MAGI2: variants seen among roughly 807,000 people sequenced by gnomAD.
MAGI2 encodes the protein membrane-associated guanylate kinase, WW and PDZ domain-containing protein 2.
Under a neutral mutation model 133.3 loss-of-function variants are expected in MAGI2, and 35 were observed. That is an observed-to-expected ratio of 0.26 (90% CI 0.20 to 0.35). The LOEUF is 0.35. Among genes scored for constraint, MAGI2 ranks in the 10% least tolerant of loss-of-function variants. The pLI is 1.00. For missense variants in MAGI2, 1,636 were observed against 1,863.4 expected (o/e 0.88, Z 2.25); for synonymous variants, 729 against 710.6 (o/e 1.03, Z -0.41).
chr7:78,064,757 T>C (rs1431722900), intron 21 of MAGI2, among the ~76,000 whole-genome samples: 3 of 152,182 alleles, frequency 2.0e-5, no homozygotes, highest in Non-Finnish European at 4.4e-5. Flanking sequence ...CACTGCAGAA[T>C]GTGACAGTGA....
intron 1 of MAGI2, among the ~76,000 whole-genome samples, chr7:79,127,312 C>G (rs1242359736): frequency 6.6e-6 from 1 of 152,082 alleles, no homozygotes; most frequent in Non-Finnish European, 1.5e-5. Context: ...TGGATATATA[C>G]CCAGTAATGG....
At chr7:78,686,926 C>T (rs1410792859) in intron 2 of MAGI2, among the ~76,000 whole-genome samples, 4 of 152,160 alleles carry the variant, frequency 2.6e-5, no homozygotes, top group Non-Finnish European at 4.4e-5. Flanking sequence ...AGCATTCAAG[C>T]AGGGGTGAAT....
intron 4 of MAGI2, among the ~76,000 whole-genome samples, chr7:78,510,664 A>T (rs1036645802): frequency 2.0e-5 from 3 of 152,162 alleles, no homozygotes; most frequent in African/African-American, 7.2e-5. Flanking sequence ...GAGACATGTA[A>T]TGGGGTTAAG....
At chr7:78,860,985 A>G (rs1794110746) in intron 2 of MAGI2, among the ~76,000 whole-genome samples, 1 of 152,132 alleles carries the variant, frequency 6.6e-6, no homozygotes. Context: ...TTGCAGTTCG[A>G]TCTCAGACTG....
intron 1 of MAGI2, among the ~76,000 whole-genome samples, chr7:79,402,132 T>C (rs908666008): frequency 5.9e-5 from 9 of 152,172 alleles, no homozygotes; most frequent in African/African-American, 2.2e-4. Context: ...ATATCCTTTT[T>C]AGTTCTTTTT....
chr7:79,184,473 A>G (rs1243893426), intron 1 of MAGI2, among the ~76,000 whole-genome samples: 1 of 151,576 alleles, frequency 6.6e-6, no homozygotes, highest in African/African-American at 2.4e-5. Context: ...AAATATTAAA[A>G]TATTAAAGTT....
chr7:78,874,694 G>A (rs992554073), intron 2 of MAGI2, among the ~76,000 whole-genome samples: 4 of 152,136 alleles, frequency 2.6e-5, no homozygotes, highest in Non-Finnish European at 5.9e-5. Context: ...AGTTAGATAA[G>A]AGGAATAAGT....
At chr7:78,231,540 A>G (rs1361770784) in intron 10 of MAGI2, among the ~76,000 whole-genome samples, 1 of 152,258 alleles carries the variant, frequency 6.6e-6, no homozygotes, top group East Asian at 1.9e-4. Context: ...TTATTTCACC[A>G]TACAAGCACT....
At chr7:78,249,105 T>C (rs1792107572) in intron 10 of MAGI2, among the ~76,000 whole-genome samples, 1 of 152,032 alleles carries the variant, frequency 6.6e-6, no homozygotes, top group Non-Finnish European at 1.5e-5. Context: ...AACAGTTATA[T>C]GAAAAATTGC....
intron 11 of MAGI2, among the ~76,000 whole-genome samples, chr7:78,195,382 G>A (rs972222483): frequency 3.3e-5 from 5 of 152,128 alleles, no homozygotes; most frequent in Non-Finnish European, 7.4e-5. Flanking sequence ...AAGATAATGT[G>A]TCTCAAGACG....
At position 78,019,417 on chromosome 7, in the gene MAGI2, G is replaced by C; in HGVS notation, c.4266C>G (p.Ala1422=). The C allele has an allele frequency of 2.7e-6, 3 of 1,106,140 alleles. No homozygotes were observed. The highest frequency in any genetic ancestry group is 3.3e-6 in the Non-Finnish European group (3 of 909,616). The allele number at this position is 1,106,140 out of a possible 1,614,324, so 68.5% of individuals were successfully genotyped here. Residue 1422 remains alanine, a synonymous_variant, in exon 22 of 22, where the codon GCC becomes GCG. Transcript: ENST00000354212. The part of the protein sequence containing the change: ...PRPGPRPPGG[A]PARKAAVAPG... The stretch of plus-strand genomic sequence containing the variant: ...GCGCGACGGCGGCCTTGCGCGCCGG[G>C]GCGCCCCCCGGGGGTCGCGGGCCCG...
intron 2 of MAGI2, among the ~76,000 whole-genome samples, chr7:78,733,042 G>T (rs1045619082): frequency 1.3e-5 from 2 of 152,092 alleles, no homozygotes; most frequent in Non-Finnish European, 2.9e-5. Context: ...AGGAAATGGC[G>T]CAACAGGATT....
intron 6 of MAGI2, among the ~76,000 whole-genome samples, chr7:78,468,847 C>T (rs1194138097): frequency 6.6e-6 from 1 of 152,108 alleles, no homozygotes; most frequent in Non-Finnish European, 1.5e-5. Flanking sequence ...GCAGAGGTGA[C>T]ACAAGTTTAG....
At chr7:79,200,453 A>G (rs2129551863) in intron 1 of MAGI2, among the ~76,000 whole-genome samples, 1 of 151,468 alleles carries the variant, frequency 6.6e-6, no homozygotes, top group Non-Finnish European at 1.5e-5. Context: ...ATTAAAAAAA[A>G]AAAAAAAATT....
chr7:78,208,685 G>A (rs1256077924), intron 10 of MAGI2, among the ~76,000 whole-genome samples: 2 of 71,242 alleles, frequency 2.8e-5, no homozygotes, highest in Non-Finnish European at 5.6e-5. Flanking sequence ...AATGGTGAAT[G>A]TATAGCATTT....
At chr7:78,261,756 TC>T (rs1264592144) in intron 9 of MAGI2, among the ~76,000 whole-genome samples, 1 of 152,178 alleles carries the variant, frequency 6.6e-6, no homozygotes, top group African/African-American at 2.4e-5. Context: ...TTTTAAAGTT[TC>T]CTCTCGGTTA....
intron 2 of MAGI2, among the ~76,000 whole-genome samples, chr7:78,983,710 G>C (rs73703745): frequency 0.02 from 3,077 of 151,932 alleles, 66 homozygotes; most frequent in African/African-American, 0.064. Context: ...ATTTGTCACT[G>C]ATTATTATTT....
intron 2 of MAGI2, among the ~76,000 whole-genome samples, chr7:78,748,571 T>G (rs1296886980): frequency 1.3e-5 from 2 of 152,190 alleles, no homozygotes; most frequent in African/African-American, 4.8e-5. Flanking sequence ...ATGTTATTTG[T>G]GTCTTTAATT....
At chr7:78,768,298 T>C (rs1028022646) in intron 2 of MAGI2, among the ~76,000 whole-genome samples, 2 of 152,310 alleles carry the variant, frequency 1.3e-5, no homozygotes, top group Non-Finnish European at 2.9e-5. Context: ...TTATATCACC[T>C]CACCTATTGT....
Sources: gnomAD v4.1 joint callset for allele counts (sites outside exome capture counted in the v4.1 genomes callset) on GRCh38, gnomAD v4.1.1 for gene constraint, MANE v1.5 for transcripts, NCBI Gene and HGNC (gene_info 2026-07-23, HGNC 2026-07-21) for gene names.